The following DMRT1 variants were observed in gnomAD, a reference collection of about 807,000 sequenced individuals.
DMRT1 encodes doublesex- and mab-3-related transcription factor 1.
A neutral mutation model predicts 32.3 loss-of-function variants in DMRT1; 7 were observed. That is an observed-to-expected ratio of 0.22 (90% CI 0.12 to 0.41). DMRT1 has a LOEUF of 0.41. Ranked by LOEUF, DMRT1 falls within the 10% of genes least tolerant of loss-of-function variation. The pLI, the probability that DMRT1 is intolerant of heterozygous loss-of-function variation, is 1.00. For synonymous variants in DMRT1, 278 were observed against 206.1 expected, an observed-to-expected ratio of 1.35 and a Z score of -2.99; for missense variants, 625 against 500.5, an observed-to-expected ratio of 1.25 and a Z score of -2.37.
chr9:856,985 A>G (rs1815425700), intron 2 of DMRT1, among the ~76,000 whole-genome samples: 1 of 152,164 alleles, frequency 6.6e-6, no homozygotes, highest in Admixed American at 6.5e-5. Flanking sequence ...ATTATGAAGG[A>G]TTCTTTAGGT....
chr9:867,487 GTC>G (rs1329789216), intron 2 of DMRT1, among the ~76,000 whole-genome samples: 2 of 152,234 alleles, frequency 1.3e-5, no homozygotes, highest in East Asian at 3.8e-4. Flanking sequence ...TTTACCGAGT[GTC>G]TGCCTTGTGG....
intron 4 of DMRT1, among the ~76,000 whole-genome samples, chr9:948,035 C>T (rs568158123): frequency 6.6e-5 from 10 of 152,136 alleles, no homozygotes; most frequent in Non-Finnish European, 8.8e-5. Context: ...TTCATTTTCT[C>T]CACCTTGACT....
chr9:910,609 G>T (rs1309843767), intron 3 of DMRT1, among the ~76,000 whole-genome samples: 2 of 151,786 alleles, frequency 1.3e-5, no homozygotes, highest in African/African-American at 4.8e-5. Context: ...TGGCTAACAC[G>T]TATAAAAGGA....
At chr9:881,001 C>T (rs993254234) in intron 2 of DMRT1, among the ~76,000 whole-genome samples, 4 of 152,126 alleles carry the variant, frequency 2.6e-5, no homozygotes, top group Non-Finnish European at 1.5e-5. Context: ...AAGCACCAAG[C>T]TTGAATGGGT....
intron 1 of DMRT1, among the ~76,000 whole-genome samples, chr9:845,416 C>T (rs1838864672): frequency 6.6e-6 from 1 of 152,076 alleles, no homozygotes; most frequent in South Asian, 2.1e-4. Context: ...CCATATTGGT[C>T]AGGCTGGTCT....
chr9:843,259 TG>T (rs1005344418), intron 1 of DMRT1, among the ~76,000 whole-genome samples: 94 of 152,302 alleles, frequency 6.2e-4, no homozygotes, highest in African/African-American at 2.1e-3. Context: ...CGGAAAGCCT[TG>T]TTTGTTTTTC....
At chr9:880,672 G>C (rs1473075947) in intron 2 of DMRT1, among the ~76,000 whole-genome samples, 1 of 147,004 alleles carries the variant, frequency 6.8e-6, no homozygotes, top group East Asian at 2.0e-4. Context: ...GTTGCAGTGA[G>C]CTGAGATTGT....
At chr9:842,929 C>T (rs1400522767) in intron 1 of DMRT1, 1 of 152,244 alleles carries the variant, frequency 6.6e-6, no homozygotes, top group South Asian at 2.1e-4. Context: ...GAGGAGTCTT[C>T]AGGATCTTCG....
rs141173722 is a variant in DMRT1 at position 847,115 on chromosome 9, G to C, written c.510G>C (p.Pro170=). 3 of 1,613,316 alleles carry C rather than the reference G, an allele frequency of 1.9e-6. No homozygotes were observed. The highest frequency in any genetic ancestry group is 2.7e-5 in the African/African-American group (2 of 75,018). The change falls in exon 2 of 5, where the codon CCG becomes CCC. Residue 170 remains proline, a synonymous_variant. Transcript: ENST00000382276. Reference sequence around the variant, plus strand: ...GCAGTGGCACCTCTCAGCCACCGCCGGCCAGTGTCCCCACCACTGCAGCTT... The same window carrying C: ...GCAGTGGCACCTCTCAGCCACCGCCCGCCAGTGTCCCCACCACTGCAGCTT... The part of the protein sequence containing the change: ...TECSGTSQPP[P]ASVPTTAASE...
intron 4 of DMRT1, among the ~76,000 whole-genome samples, chr9:917,482 C>T (rs959789831): frequency 6.6e-6 from 1 of 152,174 alleles, no homozygotes; most frequent in Non-Finnish European, 1.5e-5. Flanking sequence ...TTTAACATCC[C>T]CCAGCATTTT....
intron 4 of DMRT1, among the ~76,000 whole-genome samples, chr9:931,691 G>A (rs1028426722): frequency 1.3e-5 from 2 of 152,146 alleles, no homozygotes; most frequent in Non-Finnish European, 2.9e-5. Context: ...GAGAGAGAAT[G>A]GAATGTGAGT....
intron 2 of DMRT1, among the ~76,000 whole-genome samples, chr9:861,386 A>G (rs924654336): frequency 6.6e-6 from 1 of 152,126 alleles, no homozygotes; most frequent in Non-Finnish European, 1.5e-5. Flanking sequence ...GGTTGGGGGT[A>G]AGGTTATAGA....
At position 893,984 on chromosome 9, in the gene DMRT1, T is replaced by C; in HGVS notation, c.611T>C (p.Val204Ala). The stretch of plus-strand genomic sequence containing the variant: ...CATGTGGAGAACACACCTGACCTGG[T>C]TTCAGACTCCACCTACTACAGCAGC... ...RGHVENTPDL[V>A]SDSTYYSSFY... Residue 204 changes from valine to alanine, a missense_variant, in exon 3 of 5, where the codon GTT becomes GCT. Val to Ala is a moderately conservative substitution (Grantham distance 64, BLOSUM62 0). Coordinates refer to ENST00000382276, the MANE Select transcript of DMRT1 (RefSeq NM_021951.3). The C allele has an allele frequency of 6.2e-7, 1 of 1,614,186 alleles. No homozygotes were observed. Among genetic ancestry groups the C allele is most frequent in the South Asian group, 1.1e-5 (1 of 91,084 alleles).
Position 926,895 on chromosome 9 carries a change from G to A in DMRT1, c.967+9988G>A, listed in dbSNP as rs9886854. 8.5e-3 allele frequency among the ~76,000 whole-genome samples: 1,289 copies of A among 152,292 alleles called. 13 individuals carry two copies. The highest frequency in any genetic ancestry group is 0.03 in the African/African-American group (1,243 of 41,534). On this transcript the variant is annotated intron_variant, in intron 4 of 4. Coordinates refer to ENST00000382276, the MANE Select transcript of DMRT1 (RefSeq NM_021951.3). ...GTAGAGGGACCCAGCTCTCTTGTGG[G>A]TACATCACAAATCATCAAGTTGGCC...
At chr9:914,313 G>A (rs1023351597) in intron 3 of DMRT1, among the ~76,000 whole-genome samples, 2 of 151,778 alleles carry the variant, frequency 1.3e-5, no homozygotes, top group Admixed American at 1.3e-4. Flanking sequence ...GGTGGCTCAC[G>A]CCTGTAATCC....
At chr9:932,816 C>A (rs377161621) in intron 4 of DMRT1, among the ~76,000 whole-genome samples, 1 of 152,160 alleles carries the variant, frequency 6.6e-6, no homozygotes, top group African/African-American at 2.4e-5. Flanking sequence ...TTTACTTACT[C>A]TAAGCAGTTT....
chr9:938,353 A>G (rs538199409), intron 4 of DMRT1, among the ~76,000 whole-genome samples: 1 of 152,334 alleles, frequency 6.6e-6, no homozygotes, highest in African/African-American at 2.4e-5. Context: ...GAATCTGTAG[A>G]TTGTTTTGGG....
At chr9:896,216 C>T (rs1298247008) in intron 3 of DMRT1, among the ~76,000 whole-genome samples, 2 of 151,598 alleles carry the variant, frequency 1.3e-5, no homozygotes, top group African/African-American at 2.4e-5. Flanking sequence ...ATTTGTCAAC[C>T]ATTAGTATCT....
intron 2 of DMRT1, among the ~76,000 whole-genome samples, chr9:856,012 G>C (rs10815882): frequency 0.34 from 51,059 of 151,974 alleles, 10,714 homozygotes; most frequent in Non-Finnish European, 0.47. Context: ...TGCCTCCCAG[G>C]TTCAAGCGAT....
Sources: gnomAD v4.1 joint callset for allele counts (sites outside exome capture counted in the v4.1 genomes callset) on GRCh38, gnomAD v4.1.1 for gene constraint, MANE v1.5 for transcripts, NCBI Gene and HGNC (gene_info 2026-07-23, HGNC 2026-07-21) for gene names.